Variants in ROBO1 observed in about 807,000 individuals in gnomAD.
The protein encoded by ROBO1 is roundabout guidance receptor 1.
ROBO1 carries 149 observed loss-of-function variants against 195.9 expected under a neutral mutation model. That is an observed-to-expected ratio of 0.76 (90% CI 0.67 to 0.87). ROBO1 has a LOEUF of 0.87. Among genes scored for constraint, ROBO1 ranks in the 40% least tolerant of loss-of-function variants. The probability of loss-of-function intolerance (pLI) is 0.00; values close to 1 mark genes in which losing one functional copy is unlikely to be tolerated. For synonymous variants in ROBO1, 816 were observed against 733.2 expected, an observed-to-expected ratio of 1.11 and a Z score of -1.82; for missense variants, 1,933 against 2,068.3, an observed-to-expected ratio of 0.93 and a Z score of 1.27.
intron 2 of ROBO1, among the ~76,000 whole-genome samples, chr3:79,358,230 T>C (rs924718800): frequency 1.3e-5 from 2 of 151,980 alleles, no homozygotes; most frequent in Admixed American, 6.6e-5. Context: ...TTAGTAACTA[T>C]GAAACACTAA....
chr3:78,860,181 A>AGATG (rs35654888), intron 4 of ROBO1, among the ~76,000 whole-genome samples: 2 of 148,532 alleles, frequency 1.3e-5, no homozygotes, highest in Non-Finnish European at 3.0e-5. Flanking sequence ...ATAGATAGAT[A>AGATG]GATGATAGAT....
intron 3 of ROBO1, among the ~76,000 whole-genome samples, chr3:79,067,585 A>G (rs1177351369): frequency 1.3e-5 from 2 of 151,968 alleles, no homozygotes; most frequent in East Asian, 3.9e-4. Context: ...TATACCACAT[A>G]GATCTTAAGA....
At chr3:78,923,082 G>C (rs1298356937) in intron 4 of ROBO1, among the ~76,000 whole-genome samples, 1 of 152,114 alleles carries the variant, frequency 6.6e-6, no homozygotes, top group African/African-American at 2.4e-5. Context: ...TATTAAGCAA[G>C]ATAACATATA....
At chr3:78,765,632 G>T (rs1274279581) in intron 4 of ROBO1, among the ~76,000 whole-genome samples, 1 of 152,042 alleles carries the variant, frequency 6.6e-6, no homozygotes, top group East Asian at 1.9e-4. Context: ...TATCTAACAG[G>T]CTAGCATACT....
chr3:79,237,258 G>A lies in ROBO1; in HGVS notation c.89-111719C>T, dbSNP rs185066403. 9.0e-3 allele frequency among the ~76,000 whole-genome samples: 1,375 copies of A among 152,092 alleles called. 18 individuals carry two copies. Among genetic ancestry groups the A allele is most frequent in the African/African-American group, 0.031 (1,291 of 41,508 alleles). Reference sequence around the variant, plus strand: ...ACCACTTTGGGAGCCCGAGGCGGGCGGATCACGAGGTCAGGAGATCGAGAC... The same window carrying A: ...ACCACTTTGGGAGCCCGAGGCGGGCAGATCACGAGGTCAGGAGATCGAGAC... On this transcript the variant is annotated intron_variant, in intron 2 of 30. Transcript: ENST00000464233.
At position 79,632,116 on chromosome 3, in the gene ROBO1, G is replaced by T. The variant is rs1945362723; in HGVS notation, c.-50-42155C>A. On this transcript the variant is annotated intron_variant, in intron 1 of 30. Transcript: ENST00000464233. The stretch of plus-strand genomic sequence containing the variant: ...AATAAAACTACCATTCGACCCAGAA[G>T]TCCCACTACTGAGTATCTACCCAAA... 2.0e-5 allele frequency among the ~76,000 whole-genome samples: 3 copies of T among 152,116 alleles called. No individual in the cohort carries two copies. In the South Asian group the frequency reaches 6.2e-4, roughly 31 times the overall value.
chr3:78,997,498 T>C (rs2077397541), intron 3 of ROBO1, among the ~76,000 whole-genome samples: 1 of 152,146 alleles, frequency 6.6e-6, no homozygotes, highest in Non-Finnish European at 1.5e-5. Flanking sequence ...TGTCATTAAA[T>C]GTTTGTTCAA....
At chr3:79,704,115 A>C (rs1947698097) in intron 1 of ROBO1, among the ~76,000 whole-genome samples, 1 of 151,948 alleles carries the variant, frequency 6.6e-6, no homozygotes. Context: ...AAGGGTGCAG[A>C]GATATCTCCT....
intron 1 of ROBO1, 52 bp from the exon 2 acceptor site, chr3:79,590,013 C>A: frequency 1.3e-6 from 1 of 755,688 alleles, no homozygotes; most frequent in Non-Finnish European, 2.2e-6. Flanking sequence ...TGCTGAGAAA[C>A]AATTATTTTG....
intron 1 of ROBO1, among the ~76,000 whole-genome samples, chr3:79,644,929 A>G (rs1016951795): frequency 6.6e-6 from 1 of 152,180 alleles, no homozygotes; most frequent in Non-Finnish European, 1.5e-5. Flanking sequence ...TTACACAAAC[A>G]CATGGAAATT....
chr3:79,580,398 C>A (rs1473962614), intron 2 of ROBO1, among the ~76,000 whole-genome samples: 1 of 152,070 alleles, frequency 6.6e-6, no homozygotes, highest in East Asian at 1.9e-4. Flanking sequence ...CACTTGGACC[C>A]TTGAGCCCAG....
At chr3:79,222,810 T>A (rs996562727) in intron 2 of ROBO1, among the ~76,000 whole-genome samples, 2 of 152,136 alleles carry the variant, frequency 1.3e-5, no homozygotes, top group Admixed American at 6.6e-5. Context: ...AATAATTTAA[T>A]ATATTCGGGA....
intron 2 of ROBO1, among the ~76,000 whole-genome samples, chr3:79,291,528 C>T (rs546691957): frequency 3.9e-5 from 6 of 152,274 alleles, no homozygotes; most frequent in South Asian, 4.1e-4. Context: ...AGTGTTATAA[C>T]GCTTACCAGA....
At chr3:79,207,250 A>G (rs2081884913) in intron 2 of ROBO1, among the ~76,000 whole-genome samples, 1 of 152,212 alleles carries the variant, frequency 6.6e-6, no homozygotes, top group Non-Finnish European at 1.5e-5. Flanking sequence ...ATTTGAAAAG[A>G]AAAATCCCAT....
At chr3:78,751,838 C>T (rs926175158) in intron 4 of ROBO1, among the ~76,000 whole-genome samples, 1 of 151,860 alleles carries the variant, frequency 6.6e-6, no homozygotes, top group African/African-American at 2.4e-5. Context: ...ATTGAAAAAG[C>T]TGTATATTAA....
chr3:79,048,274 A>G (rs2078631432), intron 3 of ROBO1, among the ~76,000 whole-genome samples: 1 of 152,074 alleles, frequency 6.6e-6, no homozygotes, highest in Admixed American at 6.6e-5. Flanking sequence ...GCAGTCATCT[A>G]CTGATCTCTG....
chr3:79,360,619 T>A (rs1453055173), intron 2 of ROBO1, among the ~76,000 whole-genome samples: 1 of 152,038 alleles, frequency 6.6e-6, no homozygotes, highest in South Asian at 2.1e-4. Flanking sequence ...AAGTAAGTTT[T>A]GGACACTTTA....
At chr3:78,772,486 G>A (rs913245917) in intron 4 of ROBO1, among the ~76,000 whole-genome samples, 4 of 151,986 alleles carry the variant, frequency 2.6e-5, no homozygotes, top group African/African-American at 9.7e-5. Flanking sequence ...TATAATGTTA[G>A]GCATAGTTAT....
Position 78,597,606 on chromosome 3 carries a change from T to C in ROBO1, c.*1307A>G, listed in dbSNP as rs1440827630. 1 of 152,294 alleles carries C rather than the reference T, an allele frequency of 6.6e-6. No individual in the cohort carries two copies. The highest frequency in any genetic ancestry group is 2.4e-5 in the African/African-American group (1 of 41,456). 9.4% of individuals were successfully genotyped at this position (152,294 alleles called of 1,614,324 possible). On this transcript the variant is annotated 3_prime_UTR_variant, in exon 31 of 31. Coordinates refer to ENST00000464233, the MANE Select transcript of ROBO1 (RefSeq NM_002941.4). The stretch of plus-strand genomic sequence containing the variant: ...TTCATAAAATGACAAAAAAGGATCA[T>C]AGAAATCTACTAGTCAGAGGGCATC...
Sources: allele counts gnomAD v4.1 joint callset (sites outside exome capture counted in the v4.1 genomes callset), GRCh38; gene constraint gnomAD v4.1.1; transcripts MANE v1.5; gene names NCBI Gene and HGNC (gene_info 2026-07-23, HGNC 2026-07-21).